IFT122: variants seen among roughly 807,000 people sequenced by gnomAD.
IFT122 encodes intraflagellar transport 122, also known as intraflagellar transport protein 122 homolog.
IFT122 carries 118 observed loss-of-function variants against 161.6 expected under a neutral mutation model. The ratio of observed to expected loss-of-function variants is 0.73; its 90% CI spans 0.63 to 0.85. The LOEUF (loss-of-function observed/expected upper bound fraction) is 0.85, where lower values mean the gene tolerates loss of function less well. IFT122 is among the 40% of genes least tolerant of loss of function. The pLI is 0.00. For missense variants in IFT122, 1,381 were observed against 1,579.6 expected, an observed-to-expected ratio of 0.87 and a Z score of 2.13; for synonymous variants, 550 against 602.4, an observed-to-expected ratio of 0.91 and a Z score of 1.27.
intron 3 of IFT122, chr3:129,452,213 C>G: frequency 1.9e-6 from 1 of 517,986 alleles, no homozygotes; most frequent in South Asian, 2.0e-5. Context: ...GCTTGAGTTA[C>G]TTCAGAGAAA....
In IFT122 at chr3:129,478,139, A is replaced by C; in HGVS notation, c.1271A>C (p.Tyr424Ser). The change falls in exon 12 of 30, where the codon TAC (tyrosine) becomes TCC (serine). Residue 424 changes from tyrosine to serine, a missense_variant. By Grantham distance (144) the Tyr-to-Ser change is moderately radical. This residue lies in a region of IFT122 where 544 missense variants were observed against 648.0 expected (regional missense o/e 0.84). Transcript: ENST00000348417. ...LYSEDLSDMH[Y>S]RVKEKIIKKF... ...TCAGAGGACTTATCAGACATGCATT[A>C]CCGGGTAAAGGAGAAGATTATCAAG... 6.2e-7 allele frequency: 1 copy of C among 1,614,188 alleles called. No homozygotes were observed. Among genetic ancestry groups the C allele is most frequent in the Non-Finnish European group, 8.5e-7 (1 of 1,180,000 alleles).
chr3:129,486,977 A>G (rs1228836932), intron 15 of IFT122, among the ~76,000 whole-genome samples: 2 of 152,244 alleles, frequency 1.3e-5, no homozygotes, highest in African/African-American at 4.8e-5. Flanking sequence ...AGCACTTGGA[A>G]GCAGCCATGT....
Position 129,440,578 on chromosome 3 carries a change from C to G in IFT122, c.41+207C>G, listed in dbSNP as rs1037298956. 2.6e-5 allele frequency among the ~76,000 whole-genome samples: 4 copies of G among 152,158 alleles called. No homozygotes were observed. The East Asian group carries it at 5.8e-4, about 22-fold the overall frequency. ...GTTGGAGAGCGGCAAAGGGAGGTGC[C>G]GCGCCTGAGGTGGTGGCGGGTGGAG... On this transcript the variant is annotated intron_variant, in intron 1 of 29. Transcript: ENST00000348417.
intron 18 of IFT122, among the ~76,000 whole-genome samples, chr3:129,498,831 A>G (rs1007049645): frequency 6.6e-6 from 1 of 152,110 alleles, no homozygotes; most frequent in Non-Finnish European, 1.5e-5. Context: ...AGTAACATAG[A>G]CCTGGGCTGT....
chr3:129,472,895 T>C (rs1161955325), intron 9 of IFT122, among the ~76,000 whole-genome samples: 1 of 152,240 alleles, frequency 6.6e-6, no homozygotes, highest in Non-Finnish European at 1.5e-5. Flanking sequence ...GTTTCAGTTA[T>C]TATTGCATTT....
chr3:129,508,374 GCAC>G (rs2082407045), intron 23 of IFT122, among the ~76,000 whole-genome samples: 1 of 152,190 alleles, frequency 6.6e-6, no homozygotes, highest in Admixed American at 6.5e-5. Flanking sequence ...CAGATGTTGA[GCAC>G]TTAGTACCTA....
intron 3 of IFT122, among the ~76,000 whole-genome samples, chr3:129,457,144 G>A (rs775058309): frequency 6.6e-6 from 1 of 152,176 alleles, no homozygotes; most frequent in Non-Finnish European, 1.5e-5. Flanking sequence ...AGTAGGTGAA[G>A]ACCCCGTTAT....
chr3:129,495,693 G>A, intron 18 of IFT122, 86 bp downstream of exon 18: 2 of 1,483,976 alleles, frequency 1.3e-6, no homozygotes, highest in Non-Finnish European at 1.9e-6. Flanking sequence ...TTCCCCAAGA[G>A]TGCTGCGGAC....
intron 3 of IFT122, among the ~76,000 whole-genome samples, chr3:129,454,559 A>AG (rs2075255969): frequency 2.1e-5 from 2 of 95,948 alleles, no homozygotes; most frequent in South Asian, 3.1e-4. Context: ...GTGTGTGTGC[A>AG]TGTTTGAGTT....
chr3:129,442,958 A>G (rs994912449), intron 1 of IFT122, among the ~76,000 whole-genome samples: 1 of 152,202 alleles, frequency 6.6e-6, no homozygotes, highest in Non-Finnish European at 1.5e-5. Flanking sequence ...CTTTAAATGC[A>G]CAGCTCCAGG....
intron 9 of IFT122, among the ~76,000 whole-genome samples, chr3:129,470,904 T>C (rs1169688255): frequency 2.0e-5 from 3 of 152,202 alleles, no homozygotes; most frequent in Non-Finnish European, 4.4e-5. Context: ...CTGAGTAGTG[T>C]GAATAAGAAG....
At chr3:129,509,413 G>A (rs1164948060) in intron 23 of IFT122, among the ~76,000 whole-genome samples, 4 of 152,116 alleles carry the variant, frequency 2.6e-5, no homozygotes, top group Non-Finnish European at 5.9e-5. Flanking sequence ...TCATCTTCAA[G>A]CCTCTCATCT....
chr3:129,482,100 C>T (rs1175673452), intron 14 of IFT122, among the ~76,000 whole-genome samples: 1 of 152,222 alleles, frequency 6.6e-6, no homozygotes, highest in Non-Finnish European at 1.5e-5. Context: ...TGTGTCTATG[C>T]GCACCTACAG....
chr3:129,503,882 A>C (rs2081905364), intron 20 of IFT122: 1 of 270,760 alleles, frequency 3.7e-6, no homozygotes, highest in African/African-American at 2.3e-5. Context: ...CTTAGGTGAG[A>C]AGCAGTCAGT....
Position 129,466,995 on chromosome 3 carries a change from C to A in IFT122, c.669C>A (p.Tyr223Ter). ...EIPSTLKSAV[Y>*]SSQGSEAEEE... ...CTTCCACTCTGAAGTCAGCAGTGTA[C>A]AGTAGTCAGGGTAGTGAGGCAGAGG... Residue 223 changes from tyrosine to a stop codon, truncating the protein, a stop_gained, in exon 8 of 30, where the codon TAC becomes TAA. Coordinates refer to ENST00000348417, the MANE Select transcript of IFT122 (RefSeq NM_052989.3). LOFTEE classifies it high-confidence loss of function. 1 of 1,614,094 alleles carries A rather than the reference C, an allele frequency of 6.2e-7. No individual in the cohort carries two copies. Among genetic ancestry groups the A allele is most frequent in the South Asian group, 1.1e-5 (1 of 91,086 alleles).
intron 4 of IFT122, among the ~76,000 whole-genome samples, chr3:129,459,653 C>T (rs2075972134): frequency 3.9e-5 from 4 of 101,406 alleles, no homozygotes; most frequent in Admixed American, 3.0e-4. Context: ...TCCCTCCCTT[C>T]TTCCTTCCTT....
At chr3:129,500,584 G>A (rs1374407791) in intron 19 of IFT122, among the ~76,000 whole-genome samples, 2 of 152,114 alleles carry the variant, frequency 1.3e-5, no homozygotes, top group South Asian at 2.1e-4. Flanking sequence ...AATTCTTATG[G>A]GAGGAACCAT....
chr3:129,445,292 C>G (rs1254869849), intron 1 of IFT122, among the ~76,000 whole-genome samples: 1 of 152,142 alleles, frequency 6.6e-6, no homozygotes. Flanking sequence ...TGCTACTGCA[C>G]TCCAGCCTGG....
intron 1 of IFT122, among the ~76,000 whole-genome samples, chr3:129,448,351 G>A (rs1001423747): frequency 6.6e-6 from 1 of 152,216 alleles, no homozygotes; most frequent in African/African-American, 2.4e-5. Flanking sequence ...AGGTTTTATA[G>A]ATAAGCTTGA....
Sources: allele counts gnomAD v4.1 joint callset (sites outside exome capture counted in the v4.1 genomes callset), GRCh38; gene constraint gnomAD v4.1.1; regional missense constraint gnomAD v4.1.1; transcripts MANE v1.5; gene names NCBI Gene and HGNC (gene_info 2026-07-23, HGNC 2026-07-21).